MAP4K4: variants seen among roughly 807,000 people sequenced by gnomAD.
MAP4K4 encodes the protein HPK/GCK-like kinase HGK.
In MAP4K4, 38 loss-of-function variants were observed where a neutral mutation model predicts 189.6. That is an observed-to-expected ratio of 0.20 (90% CI 0.15 to 0.26). The LOEUF (loss-of-function observed/expected upper bound fraction) is 0.26. Among genes scored for constraint, MAP4K4 ranks in the 10% least tolerant of loss-of-function variants. MAP4K4 has a pLI of 1.00. For missense variants in MAP4K4, 1,054 were observed against 1,726.9 expected, an observed-to-expected ratio of 0.61 and a Z score of 6.91; for synonymous variants, 610 against 624.3, an observed-to-expected ratio of 0.98 and a Z score of 0.34.
chr2:101,855,479 A>G (rs2097424334), intron 12 of MAP4K4, among the ~76,000 whole-genome samples: 1 of 152,222 alleles, frequency 6.6e-6, no homozygotes, highest in African/African-American at 2.4e-5. Flanking sequence ...GCAGTTTCTG[A>G]AATACTTATA....
At chr2:101,886,639 G>A (rs752003692) in intron 29 of MAP4K4, among the ~76,000 whole-genome samples, 85 of 152,286 alleles carry the variant, frequency 5.6e-4, no homozygotes, top group Non-Finnish European at 8.5e-4. Flanking sequence ...AGGCAAAAAC[G>A]TAATAAAGAC....
intron 3 of MAP4K4, among the ~76,000 whole-genome samples, chr2:101,803,244 G>GTGTGTGTGTGT (rs1558993935): frequency 2.4e-5 from 1 of 41,024 alleles, no homozygotes; most frequent in African/African-American, 1.8e-4. Flanking sequence ...TGATGATGAT[G>GTGTGTGTGTGT]ATGTGTGTGT....
At chr2:101,721,435 CTTTTTTT>C (rs397872119) in intron 2 of MAP4K4, among the ~76,000 whole-genome samples, 9 of 131,574 alleles carry the variant, frequency 6.8e-5, no homozygotes, top group Non-Finnish European at 1.5e-4. Context: ...TAGTATATTG[CTTTTTTT>C]TTTTTTTTTT....
At chr2:101,810,077 G>A (rs974471684) in intron 3 of MAP4K4, among the ~76,000 whole-genome samples, 1 of 152,194 alleles carries the variant, frequency 6.6e-6, no homozygotes, top group African/African-American at 2.4e-5. Context: ...TACATCACAT[G>A]CCATGGATAT....
chr2:101,739,403 A>G (rs1430397988), intron 2 of MAP4K4, among the ~76,000 whole-genome samples: 2 of 79,930 alleles, frequency 2.5e-5, no homozygotes, highest in East Asian at 1.4e-3. Context: ...TCCCTAAAAT[A>G]TCATTTAATT....
intron 12 of MAP4K4, among the ~76,000 whole-genome samples, chr2:101,853,448 T>C (rs533186568): frequency 1.3e-5 from 2 of 152,242 alleles, no homozygotes; most frequent in Non-Finnish European, 2.9e-5. Context: ...TTTTTTTCTT[T>C]TAATGAACAC....
chr2:101,711,120 C>CA (rs2045251049), intron 2 of MAP4K4, among the ~76,000 whole-genome samples: 1 of 152,132 alleles, frequency 6.6e-6, no homozygotes, highest in Non-Finnish European at 1.5e-5. Context: ...TGAAGTAGGC[C>CA]ACATTCTGCC....
At chr2:101,765,839 A>C in intron 2 of MAP4K4, among the ~76,000 whole-genome samples, 1 of 152,266 alleles carries the variant, frequency 6.6e-6, no homozygotes. Flanking sequence ...ATAGTATTTC[A>C]ATTTCTGAGA....
intron 2 of MAP4K4, among the ~76,000 whole-genome samples, chr2:101,746,586 A>C (rs375390662): frequency 7.9e-5 from 12 of 152,240 alleles, no homozygotes; most frequent in African/African-American, 2.9e-4. Context: ...TTCTTATTGT[A>C]GAATGAGACC....
At chr2:101,720,578 T>C (rs2051282387) in intron 2 of MAP4K4, among the ~76,000 whole-genome samples, 1 of 152,220 alleles carries the variant, frequency 6.6e-6, no homozygotes, top group African/African-American at 2.4e-5. Context: ...GACTGCCAGA[T>C]GGACCTTCAT....
intron 5 of MAP4K4, among the ~76,000 whole-genome samples, chr2:101,825,896 A>G (rs62156901): frequency 0.24 from 36,976 of 152,162 alleles, 5,446 homozygotes; most frequent in Non-Finnish European, 0.31. Context: ...CGAATGTTTA[A>G]TATTATTTAC....
intron 3 of MAP4K4, among the ~76,000 whole-genome samples, chr2:101,815,007 C>T (rs1036525302): frequency 6.6e-6 from 1 of 152,192 alleles, no homozygotes; most frequent in South Asian, 2.1e-4. Flanking sequence ...GTCAGTGCTT[C>T]TCCAAGTAGG....
At chr2:101,708,675 T>A (rs2043743558) in intron 2 of MAP4K4, among the ~76,000 whole-genome samples, 2 of 152,220 alleles carry the variant, frequency 1.3e-5, no homozygotes, top group Non-Finnish European at 2.9e-5. Context: ...TCAGTGATAT[T>A]TAGTAAATTT....
chr2:101,742,638 T>C (rs1230321173), intron 2 of MAP4K4, among the ~76,000 whole-genome samples: 1 of 152,170 alleles, frequency 6.6e-6, no homozygotes, highest in East Asian at 1.9e-4. Flanking sequence ...TTTCTTTTTA[T>C]GGAAAAAGTC....
At chr2:101,892,688 T>C (rs1277615255) in exon 33 of MAP4K4, 1 of 341,552 alleles carries the variant, frequency 2.9e-6, no homozygotes. Flanking sequence ...TTAGGTGTAA[T>C]ATCGAAGTCC....
intron 2 of MAP4K4, among the ~76,000 whole-genome samples, chr2:101,779,722 GGCA>G: frequency 6.6e-6 from 1 of 151,920 alleles, no homozygotes; most frequent in Non-Finnish European, 1.5e-5. Flanking sequence ...CTGAGTTGAT[GGCA>G]TGGGTGCATT....
At chr2:101,831,199 TC>T (rs375850227) in intron 6 of MAP4K4, among the ~76,000 whole-genome samples, 93 of 152,304 alleles carry the variant, frequency 6.1e-4, no homozygotes, top group African/African-American at 2.0e-3. Context: ...CAGCAGAAGT[TC>T]CAAGTGCTTT....
chr2:101,726,631 A>G (rs957564491), intron 2 of MAP4K4, among the ~76,000 whole-genome samples: 2 of 152,198 alleles, frequency 1.3e-5, no homozygotes, highest in African/African-American at 2.4e-5. Flanking sequence ...CAAGACCTCA[A>G]ATTTTACTTA....
At position 101,700,647 on chromosome 2, in the gene MAP4K4, C is replaced by T. The variant is rs115289618; in HGVS notation, c.123+2109C>T. Among the ~76,000 whole-genome samples the T allele has an allele frequency of 8.2e-3, 1,247 of 152,226 alleles. 17 individuals carry two copies. Among genetic ancestry groups the T allele is most frequent in the African/African-American group, 0.029 (1,198 of 41,530 alleles). ...TCCTCCTTTATTTTAATGTAAACCC[C>T]AAATGCTATTTCAGCTGTAAATACT... On this transcript the variant is annotated intron_variant, in intron 2 of 32. Transcript: ENST00000324219.
Sources: allele counts gnomAD v4.1 joint callset (sites outside exome capture counted in the v4.1 genomes callset), GRCh38; gene constraint gnomAD v4.1.1; transcripts MANE v1.5; gene names NCBI Gene and HGNC (gene_info 2026-07-23, HGNC 2026-07-21).